Variants in IREB2 observed in about 807,000 individuals in gnomAD.
The protein encoded by IREB2 is iron-responsive element-binding protein 2.
A neutral mutation model predicts 118.8 loss-of-function variants in IREB2; 39 were observed. That is an observed-to-expected ratio of 0.33 (90% CI 0.25 to 0.43). IREB2 has a LOEUF of 0.43. Ranked by LOEUF, IREB2 falls within the 20% of genes least tolerant of loss-of-function variation. The pLI is 1.00. For missense variants in IREB2, 900 were observed against 1,147.3 expected (o/e 0.78, Z 3.11); for synonymous variants, 372 against 392.2 (o/e 0.95, Z 0.61).
chr15:78,496,816 C>T (rs1385430342), intron 20 of IREB2, among the ~76,000 whole-genome samples: 1 of 152,114 alleles, frequency 6.6e-6, no homozygotes, highest in African/African-American at 2.4e-5. Context: ...AAATAGAAAT[C>T]CTTCTGAGCC....
chr15:78,451,519 T>A (rs937259747), intron 2 of IREB2, among the ~76,000 whole-genome samples: 1 of 152,142 alleles, frequency 6.6e-6, no homozygotes, highest in African/African-American at 2.4e-5. Flanking sequence ...TTAATAAAAT[T>A]AACAGTTTTT....
intron 18 of IREB2, 142 bp downstream of exon 18, chr15:78,490,903 G>T: frequency 1.4e-6 from 1 of 721,480 alleles, no homozygotes; most frequent in Non-Finnish European, 2.3e-6. Context: ...TCTTAAGCAA[G>T]AATGGAGAGT....
chr15:78,437,535 G>C (rs1443966810), upstream of IREB2: 1 of 152,780 alleles, frequency 6.5e-6, no homozygotes, highest in Non-Finnish European at 1.5e-5. Flanking sequence ...GACTGGAAGA[G>C]GATAAGAAGT....
In IREB2 at chr15:78,498,129, C is replaced by G; in HGVS notation, c.2878C>G (p.Arg960Gly). 1 of 1,588,804 alleles carries G rather than the reference C, an allele frequency of 6.3e-7. No individual in the cohort carries two copies. The highest frequency in any genetic ancestry group is 1.1e-5 in the South Asian group (1 of 90,558). Reference sequence around the variant, plus strand: ...TGGAGGATTATTAAACTTTGTGGCACGAAAATTCTCATAGTATCTACTTAC... The same window carrying G: ...TGGAGGATTATTAAACTTTGTGGCAGGAAAATTCTCATAGTATCTACTTAC... Reference protein sequence around the residue: ...KHGGLLNFVARKFS With the variant: ...KHGGLLNFVAGKFS Residue 960 changes from arginine to glycine, a missense_variant, in exon 22 of 22, where the codon CGA (arginine) becomes GGA (glycine). Transcript: ENST00000258886.
At chr15:78,469,637 C>T (rs761098312) in intron 5 of IREB2, among the ~76,000 whole-genome samples, 2 of 151,930 alleles carry the variant, frequency 1.3e-5, no homozygotes, top group African/African-American at 4.8e-5. Context: ...GTAGGAGAAT[C>T]GCTTGAACCC....
At chr15:78,479,512 C>T (rs2051529938) in intron 10 of IREB2, among the ~76,000 whole-genome samples, 1 of 151,192 alleles carries the variant, frequency 6.6e-6, no homozygotes, top group Non-Finnish European at 1.5e-5. Flanking sequence ...GCTGGGATTA[C>T]AGGTGTGAAC....
chr15:78,478,080 G>GT (rs986798694), intron 9 of IREB2, among the ~76,000 whole-genome samples: 4 of 140,314 alleles, frequency 2.9e-5, no homozygotes, highest in African/African-American at 1.1e-4. Context: ...CAAAACATTT[G>GT]TAAAAAAAAA....
chr15:78,447,798 T>C (rs147338622), intron 2 of IREB2, among the ~76,000 whole-genome samples: 2 of 152,306 alleles, frequency 1.3e-5, no homozygotes, highest in Non-Finnish European at 2.9e-5. Context: ...TTTCCATCTG[T>C]TTTCTGCCTT....
At chr15:78,471,701 A>G in intron 6 of IREB2, 40 bp from the exon 7 acceptor site, 1 of 1,299,024 alleles carries the variant, frequency 7.7e-7, no homozygotes, top group Non-Finnish European at 1.1e-6. Flanking sequence ...ACAAATTTAT[A>G]TACTAACATT....
At chr15:78,439,773 G>A (rs765645506) in intron 1 of IREB2, 22 bp from the exon 2 acceptor site, 1 of 1,380,954 alleles carries the variant, frequency 7.2e-7, no homozygotes, top group African/African-American at 1.4e-5. Context: ...TGCATTTAAT[G>A]AAAATACAAT....
intron 2 of IREB2, among the ~76,000 whole-genome samples, chr15:78,462,442 TACTC>T (rs994584539): frequency 2.6e-5 from 4 of 152,246 alleles, no homozygotes; most frequent in African/African-American, 9.6e-5. Flanking sequence ...AAATGAATTT[TACTC>T]ACTCAGGCAT....
At chr15:78,496,099 A>G (rs1479484663) in intron 20 of IREB2, among the ~76,000 whole-genome samples, 3 of 152,228 alleles carry the variant, frequency 2.0e-5, no homozygotes, top group Admixed American at 1.3e-4. Flanking sequence ...TGTGTTGCAC[A>G]TTAACTCAGA....
At chr15:78,465,462 A>G in intron 4 of IREB2, 74 bp downstream of exon 4, 1 of 1,318,120 alleles carries the variant, frequency 7.6e-7, no homozygotes, top group Non-Finnish European at 1.0e-6. Context: ...GAGGAAAAGG[A>G]ATAGAGATAA....
intron 2 of IREB2, among the ~76,000 whole-genome samples, chr15:78,446,856 T>C (rs770679282): frequency 6.6e-6 from 1 of 150,502 alleles, no homozygotes; most frequent in Admixed American, 6.6e-5. Flanking sequence ...ATCTGTTGTA[T>C]AGTGTTAGCA....
intron 10 of IREB2, among the ~76,000 whole-genome samples, 182 bp downstream of exon 10, chr15:78,478,579 G>A (rs2051514980): frequency 6.6e-6 from 1 of 152,212 alleles, no homozygotes; most frequent in Non-Finnish European, 1.5e-5. Context: ...GCTTGCGCCT[G>A]TGGTCCCAAG....
At chr15:78,487,128 A>G (rs1255730828) in intron 13 of IREB2, among the ~76,000 whole-genome samples, 1 of 152,168 alleles carries the variant, frequency 6.6e-6, no homozygotes, top group Non-Finnish European at 1.5e-5. Flanking sequence ...ATTTATTGTC[A>G]GAGACTCTTC....
chr15:78,455,896 G>A (rs1312002087), intron 2 of IREB2, among the ~76,000 whole-genome samples: 1 of 152,144 alleles, frequency 6.6e-6, no homozygotes, highest in African/African-American at 2.4e-5. Context: ...GATAGTCCTG[G>A]CCCAAGGCCT....
At chr15:78,461,315 C>G (rs987347607) in intron 2 of IREB2, among the ~76,000 whole-genome samples, 5 of 152,104 alleles carry the variant, frequency 3.3e-5, no homozygotes, top group African/African-American at 1.2e-4. Context: ...ACATAGAGAC[C>G]TATGGTTAAA....
chr15:78,467,825 G>T (rs1013258763), intron 5 of IREB2, among the ~76,000 whole-genome samples: 10 of 152,084 alleles, frequency 6.6e-5, no homozygotes, highest in African/African-American at 2.4e-4. Context: ...AGGCTCAAGC[G>T]ATCTGTCTGC....
Sources: gnomAD v4.1 joint callset for allele counts (sites outside exome capture counted in the v4.1 genomes callset) on GRCh38, gnomAD v4.1.1 for gene constraint, MANE v1.5 for transcripts, NCBI Gene and HGNC (gene_info 2026-07-23, HGNC 2026-07-21) for gene names.